Variants in TRPC7 observed in about 807,000 individuals in gnomAD.
TRPC7 encodes transient receptor potential cation channel subfamily C member 7, also known as short transient receptor potential channel 7.
Under a neutral mutation model 90.1 loss-of-function variants are expected in TRPC7, and 42 were observed. The observed-to-expected ratio is 0.47, with a 90% CI of 0.36 to 0.60. The LOEUF (loss-of-function observed/expected upper bound fraction) is 0.60. Among genes scored for constraint, TRPC7 ranks in the 20% least tolerant of loss-of-function variants. The pLI is 0.00. For synonymous variants in TRPC7, 451 were observed against 436.3 expected (o/e 1.03, Z -0.42); for missense variants, 955 against 1,112.3 (o/e 0.86, Z 2.01).
chr5:136,282,530 G>T (rs1179292573), intron 3 of TRPC7, among the ~76,000 whole-genome samples: 2 of 151,874 alleles, frequency 1.3e-5, no homozygotes, highest in Admixed American at 1.3e-4. Flanking sequence ...CATCTATATT[G>T]CCCATATTTT....
At chr5:136,253,636 A>T (rs1289577777) in intron 5 of TRPC7, among the ~76,000 whole-genome samples, 1 of 152,186 alleles carries the variant, frequency 6.6e-6, no homozygotes, top group East Asian at 1.9e-4. Context: ...CTTAATCAAT[A>T]AATGTTTTGT....
At chr5:136,256,564 CCT>C (rs1173494944) in intron 5 of TRPC7, among the ~76,000 whole-genome samples, 1 of 152,104 alleles carries the variant, frequency 6.6e-6, no homozygotes, top group African/African-American at 2.4e-5. Context: ...CTCTTGCACC[CCT>C]GACTCTTCTG....
chr5:136,356,647 G>T lies in TRPC7; in HGVS notation c.741C>A (p.Asn247Lys). Residue 247 changes from asparagine (N) to lysine (K), a missense_variant, in exon 2 of 12, where the codon AAC (asparagine) becomes AAA (lysine). This residue lies in a region of TRPC7 where 484 missense variants were observed against 509.6 expected (regional missense o/e 0.95). Transcript: ENST00000513104. Reference protein sequence around the residue: ...DPVLTALELSNELARLANIET... With the variant: ...DPVLTALELSKELARLANIET... ...CAATGTTGGCTAGTCTGGCTAACTC[G>T]TTGCTGAGCTCCAGGGCGGTGAGGA... 5.8e-6 allele frequency: 9 copies of T among 1,560,354 alleles called. No individual in the cohort carries two copies. The highest frequency in any genetic ancestry group is 7.8e-6 in the Non-Finnish European group (9 of 1,152,628).
chr5:136,319,062 C>T (rs1759112675), intron 2 of TRPC7, among the ~76,000 whole-genome samples: 1 of 152,172 alleles, frequency 6.6e-6, no homozygotes. Flanking sequence ...AACTCACTAC[C>T]TCCAGCCTCA....
chr5:136,311,702 C>G (rs1174503436), intron 3 of TRPC7, among the ~76,000 whole-genome samples: 1 of 152,184 alleles, frequency 6.6e-6, no homozygotes, highest in Non-Finnish European at 1.5e-5. Flanking sequence ...GGGTGGTTTT[C>G]TTTAGCTGCA....
Position 136,260,566 on chromosome 5 carries a change from G to A in TRPC7, c.1345+5654C>T, listed in dbSNP as rs117014410. Reference sequence around the variant, plus strand: ...AGCCTAGGGGGCTGAAACAGAGTGAGTGAGGTGGAAAGCGGTGGAAGAGAA... The same window carrying A: ...AGCCTAGGGGGCTGAAACAGAGTGAATGAGGTGGAAAGCGGTGGAAGAGAA... On this transcript the variant is annotated intron_variant, in intron 5 of 11. Coordinates refer to ENST00000513104, the MANE Select transcript of TRPC7 (RefSeq NM_020389.3). Among the ~76,000 whole-genome samples the A allele has an allele frequency of 2.0e-5, 3 of 152,318 alleles. No individual in the cohort carries two copies. The East Asian group carries it at 5.8e-4, about 29-fold the overall frequency.
chr5:136,302,098 A>T (rs1314951444), intron 3 of TRPC7, among the ~76,000 whole-genome samples: 1 of 151,638 alleles, frequency 6.6e-6, no homozygotes, highest in Non-Finnish European at 1.5e-5. Context: ...AATTCCTTTC[A>T]TTTTCTGGTA....
intron 4 of TRPC7, among the ~76,000 whole-genome samples, chr5:136,269,962 G>T: frequency 6.6e-6 from 1 of 152,184 alleles, no homozygotes; most frequent in Non-Finnish European, 1.5e-5. Context: ...TGTCCTGGGG[G>T]CTGAAGAGGG....
intron 7 of TRPC7, among the ~76,000 whole-genome samples, chr5:136,233,926 T>C (rs1188676186): frequency 6.6e-6 from 1 of 152,230 alleles, no homozygotes; most frequent in Admixed American, 6.5e-5. Context: ...TTAGGTATTC[T>C]ATATCAATAA....
At chr5:136,325,035 G>C (rs771799964) in intron 2 of TRPC7, among the ~76,000 whole-genome samples, 1 of 149,522 alleles carries the variant, frequency 6.7e-6, no homozygotes, top group African/African-American at 2.5e-5. Context: ...GTAAACCTGG[G>C]AGATATTTCT....
rs114018437 is a variant in TRPC7, at chr5:136,237,108, C to T, written c.1845-5559G>A. ...AATGCCCAGACCCAGAGACTGAAAG[C>T]AGTTGGACCAGGTTTGAGGATGGTT... On this transcript the variant is annotated intron_variant, in intron 7 of 11. Transcript: ENST00000513104. Among the ~76,000 whole-genome samples, 734 of 152,294 alleles carry T rather than the reference C, an allele frequency of 4.8e-3. 6 individuals are homozygous for T. The highest frequency in any genetic ancestry group is 0.017 in the African/African-American group (700 of 41,562).
At chr5:136,342,394 C>T (rs531912104) in intron 2 of TRPC7, among the ~76,000 whole-genome samples, 18 of 152,274 alleles carry the variant, frequency 1.2e-4, no homozygotes, top group East Asian at 3.9e-4. Flanking sequence ...TCTTGAAAAA[C>T]GAGGAGTGTT....
intron 3 of TRPC7, 27 bp from the exon 4 acceptor site, chr5:136,274,864 C>A: frequency 1.3e-6 from 2 of 1,548,536 alleles, no homozygotes; most frequent in South Asian, 1.2e-5. Flanking sequence ...AAAACAAAAA[C>A]AAAACGCAAA....
intron 2 of TRPC7, among the ~76,000 whole-genome samples, chr5:136,354,238 G>A (rs1233294752): frequency 6.6e-6 from 1 of 152,064 alleles, no homozygotes; most frequent in African/African-American, 2.4e-5. Flanking sequence ...CTTAATGTTG[G>A]TAGGTAAGGT....
intron 2 of TRPC7, among the ~76,000 whole-genome samples, chr5:136,324,704 G>A (rs1398833730): frequency 1.3e-5 from 2 of 152,096 alleles, no homozygotes; most frequent in Non-Finnish European, 2.9e-5. Context: ...TAGTTTGCTT[G>A]ACTTTCATTA....
At chr5:136,312,459 C>T (rs368425980) in intron 3 of TRPC7, among the ~76,000 whole-genome samples, 8 of 152,198 alleles carry the variant, frequency 5.3e-5, no homozygotes, top group African/African-American at 1.7e-4. Context: ...AGCATTTCCT[C>T]TCATATCAGT....
chr5:136,293,602 C>T (rs553753420), intron 3 of TRPC7, among the ~76,000 whole-genome samples: 1 of 152,228 alleles, frequency 6.6e-6, no homozygotes, highest in Non-Finnish European at 1.5e-5. Flanking sequence ...AGGACCTCTT[C>T]AAGGAGAACT....
chr5:136,251,912 T>A, intron 5 of TRPC7, 30 bp from the exon 6 acceptor site: 1 of 1,591,586 alleles, frequency 6.3e-7, no homozygotes, highest in Non-Finnish European at 8.6e-7. Context: ...CCAGGCTCAC[T>A]TTTCGTTTCT....
At chr5:136,358,377 CA>C (rs1324119906) in intron 1 of TRPC7, among the ~76,000 whole-genome samples, 2 of 152,086 alleles carry the variant, frequency 1.3e-5, no homozygotes, top group East Asian at 3.9e-4. Flanking sequence ...TAATATATGC[CA>C]GGTATTATAC....
Sources: gnomAD v4.1 joint callset for allele counts (sites outside exome capture counted in the v4.1 genomes callset) on GRCh38, gnomAD v4.1.1 for gene constraint, gnomAD v4.1.1 regional missense constraint, MANE v1.5 for transcripts, NCBI Gene and HGNC (gene_info 2026-07-23, HGNC 2026-07-21) for gene names.